PDIA6: variants seen among roughly 807,000 people sequenced by gnomAD.
PDIA6 encodes the protein protein disulfide-isomerase A6.
A neutral mutation model predicts 58.4 loss-of-function variants in PDIA6; 29 were observed. That is an observed-to-expected ratio of 0.50 (90% CI 0.37 to 0.68). The LOEUF (loss-of-function observed/expected upper bound fraction) is 0.68. PDIA6 is among the 30% of genes least tolerant of loss of function. The probability of loss-of-function intolerance (pLI) is 0.00; values close to 1 mark genes in which losing one functional copy is unlikely to be tolerated. For missense variants in PDIA6, 480 were observed against 551.0 expected, an observed-to-expected ratio of 0.87 and a Z score of 1.29; for synonymous variants, 192 against 202.6, an observed-to-expected ratio of 0.95 and a Z score of 0.44.
intron 7 of PDIA6, among the ~76,000 whole-genome samples, chr2:10,790,232 A>C (rs1338768766): frequency 6.6e-6 from 1 of 151,352 alleles, no homozygotes; most frequent in African/African-American, 2.5e-5. Flanking sequence ...TTGGCCTCCC[A>C]AAGTGTTGGG....
chr2:10,803,521 C>T (rs967895914), intron 1 of PDIA6, among the ~76,000 whole-genome samples: 2 of 120,896 alleles, frequency 1.7e-5, no homozygotes, highest in Non-Finnish European at 3.8e-5. Flanking sequence ...ATCAGAAACA[C>T]TGTTCGTGTG....
upstream of PDIA6, among the ~76,000 whole-genome samples, chr2:10,835,723 C>T (rs1371283289): frequency 6.6e-6 from 1 of 152,178 alleles, no homozygotes; most frequent in Non-Finnish European, 1.5e-5. Context: ...CTGTCTCCCT[C>T]ATGGGACCGC....
intron 1 of PDIA6, chr2:10,810,372 A>C: frequency 1.3e-6 from 2 of 1,506,502 alleles, no homozygotes; most frequent in Non-Finnish European, 1.8e-6. Context: ...TTGCCAATCA[A>C]GGACAGCAAT....
In PDIA6 at chr2:10,812,670, G is replaced by A. The variant is rs751363751; in HGVS notation, c.19+8C>T. On this transcript the variant is annotated splice_region_variant and intron_variant, in intron 1 of 12. Transcript: ENST00000272227. ...CTCGCCCGCCTCCCTCCGCTGGCCC[G>A]CACCTACCGAGCACCAGGAGAGCCA... 2 of 1,532,834 alleles carry A rather than the reference G, an allele frequency of 1.3e-6. No individual in the cohort carries two copies. Among genetic ancestry groups the A allele is most frequent in the Non-Finnish European group, 1.8e-6 (2 of 1,141,796 alleles). 95.0% of individuals were successfully genotyped at this position (1,532,834 alleles called of 1,614,324 possible). A position where few individuals can be genotyped will look rare whatever the true frequency, so the allele number is the denominator to read the frequency against.
Position 10,789,867 on chromosome 2 carries a change from T to G in PDIA6, c.722A>C (p.Lys241Thr). 6.2e-7 allele frequency: 1 copy of G among 1,613,722 alleles called. No individual in the cohort carries two copies. The highest frequency in any genetic ancestry group is 8.5e-7 in the Non-Finnish European group (1 of 1,179,654). ...AGGAGACTCGCCTTTCTGAAATATC[T>G]TGATTGTAGGAAATCCTCTAATCTA... The part of the protein sequence containing the change: ...RYGIRGFPTI[K>T]IFQKGESPVD... The change falls in exon 8 of 13, where the codon AAG (lysine) becomes ACG (threonine). Residue 241 changes from lysine (K) to threonine (T), a missense_variant. Coordinates refer to ENST00000272227, the MANE Select transcript of PDIA6 (RefSeq NM_005742.4).
upstream of PDIA6, among the ~76,000 whole-genome samples, chr2:10,817,686 G>A (rs1448351367): frequency 6.6e-6 from 1 of 152,176 alleles, no homozygotes; most frequent in Non-Finnish European, 1.5e-5. Flanking sequence ...TTGGACTTGG[G>A]GCACCCCAGC....
At chr2:10,801,755 G>A (rs1666521170) in intron 2 of PDIA6, among the ~76,000 whole-genome samples, 1 of 152,170 alleles carries the variant, frequency 6.6e-6, no homozygotes, top group African/African-American at 2.4e-5. Context: ...AAAGAAAAAA[G>A]TTAAAGTGAG....
chr2:10,806,043 AACG>A (rs1426678253), intron 1 of PDIA6, among the ~76,000 whole-genome samples: 8 of 104,316 alleles, frequency 7.7e-5, no homozygotes, highest in South Asian at 2.8e-4. Flanking sequence ...AAAAAAAAAA[AACG>A]AAAAAAACCT....
chr2:10,784,994 T>C lies in PDIA6; in HGVS notation c.1194A>G (p.Val398=). 6.3e-7 allele frequency: 1 copy of C among 1,587,408 alleles called. No individual in the cohort carries two copies. The part of the protein sequence containing the change: ...LSFGRGSTAP[V]GGGAFPTIVE... ...CGATGGTAGGGAAAGCCCCGCCTCC[T>C]ACAGGTGCCGTGGAGCCACGCCCAA... is the stretch of plus-strand genomic sequence containing the variant. The change falls in exon 12 of 13, where the codon GTA becomes GTG. Residue 398 remains valine, a synonymous_variant. Coordinates refer to ENST00000272227, the MANE Select transcript of PDIA6 (RefSeq NM_005742.4).
intron 1 of PDIA6, chr2:10,819,413 T>C (rs1450577903): frequency 8.1e-6 from 8 of 986,990 alleles, no homozygotes; most frequent in African/African-American, 1.6e-5. Flanking sequence ...TATTACCGAA[T>C]GTTCACCATA....
intron 1 of PDIA6, among the ~76,000 whole-genome samples, chr2:10,826,260 T>C (rs1019348194): frequency 2.0e-5 from 3 of 152,168 alleles, no homozygotes; most frequent in African/African-American, 7.2e-5. Flanking sequence ...AGTTCGGAAC[T>C]AGGAAGTCTA....
chr2:10,785,519 C>T (rs1252612195), intron 11 of PDIA6, among the ~76,000 whole-genome samples: 1 of 152,044 alleles, frequency 6.6e-6, no homozygotes, highest in Non-Finnish European at 1.5e-5. Flanking sequence ...TGTTGGGAAA[C>T]CAGAGCCAGA....
At chr2:10,807,848 T>C (rs1046064354) in intron 1 of PDIA6, among the ~76,000 whole-genome samples, 2 of 152,220 alleles carry the variant, frequency 1.3e-5, no homozygotes, top group Non-Finnish European at 2.9e-5. Flanking sequence ...TTGACAGCAT[T>C]ACTAACTAGA....
chr2:10,813,110 C>T (rs1473112069), upstream of PDIA6, among the ~76,000 whole-genome samples: 1 of 152,114 alleles, frequency 6.6e-6, no homozygotes, highest in Non-Finnish European at 1.5e-5. Context: ...CCCCCCCACC[C>T]CGCCTCCTCC....
At chr2:10,823,827 A>C (rs771560241) in intron 1 of PDIA6, among the ~76,000 whole-genome samples, 35 of 151,344 alleles carry the variant, frequency 2.3e-4, no homozygotes, top group Admixed American at 1.4e-3. Flanking sequence ...CCATTGGCTA[A>C]AAAGAGCTGC....
chr2:10,801,584 T>C (rs1281982104), intron 2 of PDIA6, among the ~76,000 whole-genome samples: 1 of 152,194 alleles, frequency 6.6e-6, no homozygotes, highest in African/African-American at 2.4e-5. Context: ...TGAACACATA[T>C]ATACCAGAGC....
chr2:10,826,924 T>A (rs1667570583), intron 1 of PDIA6, among the ~76,000 whole-genome samples: 1 of 152,218 alleles, frequency 6.6e-6, no homozygotes, highest in Non-Finnish European at 1.5e-5. Context: ...GCTGCCTCCA[T>A]CACTGCAGTC....
chr2:10,795,966 A>G (rs1734340), intron 4 of PDIA6, among the ~76,000 whole-genome samples: 52,585 of 152,154 alleles, frequency 0.35, 9,700 homozygotes, highest in South Asian at 0.5. Flanking sequence ...TTTCAGCTTC[A>G]AACAAATTAT....
intron 5 of PDIA6, among the ~76,000 whole-genome samples, chr2:10,792,809 C>T (rs550251481): frequency 3.9e-5 from 6 of 152,316 alleles, no homozygotes; most frequent in African/African-American, 1.2e-4. Context: ...TCTGGACCTA[C>T]AAGTGCCATG....
Sources: gnomAD v4.1 joint callset for allele counts (sites outside exome capture counted in the v4.1 genomes callset) on GRCh38, gnomAD v4.1.1 for gene constraint, MANE v1.5 for transcripts, NCBI Gene and HGNC (gene_info 2026-07-23, HGNC 2026-07-21) for gene names.